The following MTUS2 variants were observed in gnomAD, a reference collection of about 807,000 sequenced individuals.
The protein encoded by MTUS2 is microtubule associated scaffold protein 2.
Under a neutral mutation model 114.1 loss-of-function variants are expected in MTUS2, and 40 were observed. The ratio of observed to expected loss-of-function variants is 0.35; its 90% CI spans 0.27 to 0.46. MTUS2 has a LOEUF of 0.46. MTUS2 is among the 20% of genes least tolerant of loss of function. The pLI, the probability that MTUS2 is intolerant of heterozygous loss-of-function variation, is 1.00. For synonymous variants in MTUS2, 688 were observed against 672.0 expected, an observed-to-expected ratio of 1.02 and a Z score of -0.37; for missense variants, 1,679 against 1,705.4, an observed-to-expected ratio of 0.98 and a Z score of 0.27.
chr13:29,022,474 G>A (rs955153959), intron 2 of MTUS2, among the ~76,000 whole-genome samples: 15 of 152,232 alleles, frequency 9.9e-5, no homozygotes, highest in Admixed American at 9.8e-4. Flanking sequence ...ACAGGTGTGA[G>A]CTACTGTGTC....
At chr13:29,087,050 T>G (rs1889723391) in intron 4 of MTUS2, among the ~76,000 whole-genome samples, 1 of 152,098 alleles carries the variant, frequency 6.6e-6, no homozygotes, top group Admixed American at 6.5e-5. Context: ...ATCAGTGAAG[T>G]GGGATAATTT....
intron 2 of MTUS2, among the ~76,000 whole-genome samples, chr13:29,020,508 G>A (rs907267283): frequency 6.6e-6 from 1 of 152,156 alleles, no homozygotes; most frequent in African/African-American, 2.4e-5. Flanking sequence ...CTGGAGTGAG[G>A]GAGACGCGTG....
chr13:29,384,437 G>A (rs982891953), intron 8 of MTUS2, among the ~76,000 whole-genome samples: 3 of 152,174 alleles, frequency 2.0e-5, no homozygotes, highest in Non-Finnish European at 4.4e-5. Flanking sequence ...CCTGGTGCAC[G>A]CATTCATGAT....
chr13:28,881,664 G>A lies in MTUS2; in HGVS notation c.-243+41814G>A, dbSNP rs1878298020. 2.0e-5 allele frequency among the ~76,000 whole-genome samples: 3 copies of A among 151,940 alleles called. No individual in the cohort carries two copies. The South Asian group carries it at 6.2e-4, about 32-fold the overall frequency. ...TGTTTTTTTTATCTTTTTAATAATA[G>A]CCATTCTGACTATTTAAAAATTATA... On this transcript the variant is annotated intron_variant, in intron 2 of 15. Transcript: ENST00000612955.
In MTUS2 at chr13:29,505,264, G is replaced by A. The variant is rs1883156829; in HGVS notation, c.*2058G>A. ...GCTTACATAGCCGCACCTGCTAAATGCAGTTACACAGCAATACTGACTTCC... is the reference window on the plus strand; with the variant it reads ...GCTTACATAGCCGCACCTGCTAAATACAGTTACACAGCAATACTGACTTCC... On this transcript the variant is annotated 3_prime_UTR_variant, in exon 16 of 16. Transcript: ENST00000612955. The A allele has an allele frequency of 8.6e-6, 2 of 231,446 alleles. No homozygotes were observed. Among genetic ancestry groups the A allele is most frequent in the African/African-American group, 2.2e-5 (1 of 45,202 alleles). The allele number at this position is 231,446 out of a possible 1,614,324, so 14.3% of individuals were successfully genotyped here.
At chr13:29,262,570 TAA>T (rs34929267) in intron 5 of MTUS2, among the ~76,000 whole-genome samples, 2,545 of 143,534 alleles carry the variant, frequency 0.018, 31 homozygotes, top group Non-Finnish European at 0.027. Context: ...GTGATTAGTG[TAA>T]AAAAAAAAAA....
intron 5 of MTUS2, among the ~76,000 whole-genome samples, chr13:29,254,277 T>A (rs978166307): frequency 1.3e-5 from 2 of 152,200 alleles, no homozygotes; most frequent in Non-Finnish European, 2.9e-5. Context: ...ATGTTCTTTT[T>A]AATGAGATGT....
rs1043894256 is a variant in MTUS2 at position 28,901,136 on chromosome 13, A to G, written c.-243+61286A>G. Reference sequence around the variant, plus strand: ...TCCCAAATGAAGAATGATGTTGAGCATCTTTTCTTGTGCTTATTGCATCTA... The same window carrying G: ...TCCCAAATGAAGAATGATGTTGAGCGTCTTTTCTTGTGCTTATTGCATCTA... On this transcript the variant is annotated intron_variant, in intron 2 of 15. Transcript: ENST00000612955. 3.9e-5 allele frequency among the ~76,000 whole-genome samples: 6 copies of G among 152,308 alleles called. No homozygotes were observed. In the South Asian group the frequency reaches 1.0e-3, roughly 26 times the overall value.
intron 2 of MTUS2, among the ~76,000 whole-genome samples, chr13:28,892,681 C>T (rs1389061379): frequency 6.6e-6 from 1 of 152,064 alleles, no homozygotes; most frequent in Non-Finnish European, 1.5e-5. Context: ...CTCTTTCTCT[C>T]CTTCTCATTC....
chr13:29,124,195 G>A (rs1450816393), intron 5 of MTUS2, among the ~76,000 whole-genome samples: 2 of 152,310 alleles, frequency 1.3e-5, no homozygotes, highest in Middle Eastern at 3.4e-3. Context: ...GTTTGAATTA[G>A]AGGGTATTTA....
At chr13:29,078,671 A>C (rs1593452408) in intron 4 of MTUS2, among the ~76,000 whole-genome samples, 1 of 152,154 alleles carries the variant, frequency 6.6e-6, no homozygotes, top group Non-Finnish European at 1.5e-5. Context: ...GGAAACCATT[A>C]AGCCATTTTG....
chr13:29,145,963 A>G (rs1363203524), intron 5 of MTUS2, among the ~76,000 whole-genome samples: 1 of 152,190 alleles, frequency 6.6e-6, no homozygotes, highest in Non-Finnish European at 1.5e-5. Context: ...ACATGGGTGC[A>G]CCTGACTCAG....
At chr13:29,154,464 T>A (rs1005240758) in intron 5 of MTUS2, among the ~76,000 whole-genome samples, 6 of 152,200 alleles carry the variant, frequency 3.9e-5, no homozygotes, top group Admixed American at 3.9e-4. Flanking sequence ...ATCCTACTAC[T>A]GGCTAAATCA....
In MTUS2 at chr13:28,953,246, T is replaced by A. The variant is rs556576996; in HGVS notation, c.-242-71211T>A. On this transcript the variant is annotated intron_variant, in intron 2 of 15. Transcript: ENST00000612955. ...GCTCTAGGCTGGGCGCAGTGTCTCA[T>A]GCCTGTAATCCCTGCACTTTGGGAG... 1.4e-3 allele frequency among the ~76,000 whole-genome samples: 207 copies of A among 152,098 alleles called. 1 individual carries two copies. Among genetic ancestry groups the A allele is most frequent in the Non-Finnish European group, 2.6e-3 (176 of 67,982 alleles).
rs397936401 is a variant in MTUS2, at chr13:29,365,501, T to TG, written c.3117+6029dup. On this transcript the variant is annotated intron_variant, in intron 8 of 15. Coordinates refer to ENST00000612955, the MANE Select transcript of MTUS2 (RefSeq NM_001033602.4). ...ATGCTTTGTCATCAATACGTTTTTTTGTTTGGGTTTGTGTGTGTGTGTGTG... is the reference window on the plus strand; with the variant it reads ...ATGCTTTGTCATCAATACGTTTTTTTGGTTTGGGTTTGTGTGTGTGTGTGTG... Among the ~76,000 whole-genome samples the TG allele has an allele frequency of 1.0e-4, 14 of 134,626 alleles. 1 individual carries two copies. Among genetic ancestry groups the TG allele is most frequent in the African/African-American group, 3.1e-4 (11 of 35,282 alleles). 88.3% of individuals were successfully genotyped at this position (134,626 alleles called of 152,430 possible). A position where few individuals can be genotyped will look rare whatever the true frequency, so the allele number is the denominator to read the frequency against.
intron 8 of MTUS2, among the ~76,000 whole-genome samples, chr13:29,369,370 A>G (rs972253066): frequency 6.6e-6 from 1 of 152,182 alleles, no homozygotes; most frequent in African/African-American, 2.4e-5. Context: ...CATGTCAAGT[A>G]TTACCTTAAA....
At chr13:28,919,786 G>T (rs562524497) in intron 2 of MTUS2, among the ~76,000 whole-genome samples, 4 of 152,140 alleles carry the variant, frequency 2.6e-5, no homozygotes, top group African/African-American at 9.6e-5. Flanking sequence ...TCCTCTGACT[G>T]TATTTTCGAA....
intron 2 of MTUS2, among the ~76,000 whole-genome samples, chr13:28,979,042 C>G (rs574513112): frequency 3.9e-5 from 6 of 152,350 alleles, no homozygotes; most frequent in African/African-American, 1.4e-4. Flanking sequence ...TCAGAGACAT[C>G]TGTAACCTCT....
At chr13:29,061,937 T>A (rs367822803) in intron 4 of MTUS2, among the ~76,000 whole-genome samples, 5 of 152,312 alleles carry the variant, frequency 3.3e-5, no homozygotes, top group Non-Finnish European at 2.9e-5. Flanking sequence ...TGTTTATACT[T>A]TTAGTTCCAG....
Sources: gnomAD v4.1 joint callset for allele counts (sites outside exome capture counted in the v4.1 genomes callset) on GRCh38, gnomAD v4.1.1 for gene constraint, MANE v1.5 for transcripts, NCBI Gene and HGNC (gene_info 2026-07-23, HGNC 2026-07-21) for gene names.